Variants in C14orf132 observed in about 807,000 individuals in gnomAD.
C14orf132 encodes chromosome 14 open reading frame 132, also known as uncharacterized protein C14orf132.
Under a neutral mutation model 5.8 loss-of-function variants are expected in C14orf132, and 6 were observed. The observed-to-expected ratio is 1.03, with a 90% CI of 0.57 to 2.04. The LOEUF (loss-of-function observed/expected upper bound fraction) is 2.04, where lower values mean the gene tolerates loss of function less well. Ranked by LOEUF, C14orf132 falls within the 30% of genes most tolerant of loss-of-function variation. The pLI is 0.00. For synonymous variants in C14orf132, 51 were observed against 49.8 expected (o/e 1.02, Z -0.10); for missense variants, 125 against 115.8 (o/e 1.08, Z -0.37).
intron 1 of C14orf132, among the ~76,000 whole-genome samples, chr14:96,065,385 C>T (rs1225983123): frequency 6.6e-6 from 1 of 152,006 alleles, no homozygotes; most frequent in Admixed American, 6.5e-5. Flanking sequence ...GACAATTTTG[C>T]CATATAGAGG....
At chr14:96,062,075 C>G (rs990761217) in intron 1 of C14orf132, among the ~76,000 whole-genome samples, 1 of 152,100 alleles carries the variant, frequency 6.6e-6, no homozygotes. Context: ...GAGGATAAAC[C>G]CTCTATCCAG....
intron 1 of C14orf132, among the ~76,000 whole-genome samples, chr14:96,069,782 C>T (rs1042450772): frequency 2.6e-5 from 4 of 152,200 alleles, no homozygotes; most frequent in African/African-American, 9.7e-5. Flanking sequence ...TAAAGGACCT[C>T]AACATGTATT....
At chr14:96,073,605 C>T (rs568571319) in intron 1 of C14orf132, among the ~76,000 whole-genome samples, 2 of 152,278 alleles carry the variant, frequency 1.3e-5, no homozygotes, top group Admixed American at 6.5e-5. Flanking sequence ...TTAGCTCAAC[C>T]GTTTTGGAAG....
intron 1 of C14orf132, among the ~76,000 whole-genome samples, chr14:96,048,930 TG>T (rs1237742035): frequency 6.6e-6 from 1 of 152,246 alleles, no homozygotes; most frequent in African/African-American, 2.4e-5. Context: ...TCCAAGTTTT[TG>T]CTTTTCTTTT....
At chr14:96,053,926 G>A (rs1219141231) in intron 1 of C14orf132, among the ~76,000 whole-genome samples, 2 of 152,160 alleles carry the variant, frequency 1.3e-5, no homozygotes, top group Non-Finnish European at 2.9e-5. Flanking sequence ...TTACCCATCT[G>A]TCTGCCTCTC....
intron 1 of C14orf132, among the ~76,000 whole-genome samples, chr14:96,064,409 TATATATACAC>T (rs1302598697): frequency 1.4e-4 from 21 of 147,352 alleles, no homozygotes; most frequent in South Asian, 4.2e-4. Flanking sequence ...CATATATGTA[TATATATACAC>T]ATATATACAC....
At position 96,039,411 on chromosome 14, in the gene C14orf132, G is replaced by C. The variant is rs1644152653; in HGVS notation, c.-90G>C. 7.5e-7 allele frequency: 1 copy of C among 1,338,892 alleles called. No homozygotes were observed. Among genetic ancestry groups the C allele is most frequent in the South Asian group, 1.6e-5 (1 of 61,676 alleles). The allele number at this position is 1,338,892 out of a possible 1,614,324, so 82.9% of individuals were successfully genotyped here. ...GCCGTGCGGTCTCCGGACGCTCGCTGCTCAGCCCGATCCCCGCCAACTGTG... is the reference window on the plus strand; with the variant it reads ...GCCGTGCGGTCTCCGGACGCTCGCTCCTCAGCCCGATCCCCGCCAACTGTG... On this transcript the variant is annotated 5_prime_UTR_variant, in exon 1 of 2. Coordinates refer to ENST00000555004, the MANE Select transcript of C14orf132 (RefSeq NM_001252507.3). The surrounding 1 kb of genome is among the most constrained non-coding windows in gnomAD (Gnocchi z 5.3).
In C14orf132 at chr14:96,082,960, T is replaced by G. The variant is rs1406146817; in HGVS notation, c.28-3551T>G. 2.0e-5 allele frequency among the ~76,000 whole-genome samples: 3 copies of G among 152,206 alleles called. No individual in the cohort carries two copies. The East Asian group carries it at 5.8e-4, about 29-fold the overall frequency. ...TCCACCATATGTGGCAAAGCAGGAT[T>G]CAGCCCCAAGCCTTTCTGACACCAG... On this transcript the variant is annotated intron_variant, in intron 1 of 1. Transcript: ENST00000555004.
intron 1 of C14orf132, among the ~76,000 whole-genome samples, chr14:96,068,598 G>A (rs993452405): frequency 2.6e-5 from 4 of 152,136 alleles, no homozygotes; most frequent in African/African-American, 9.7e-5. Context: ...CCCTCAGGAT[G>A]AGCACACGGA....
At chr14:96,070,596 T>TCTCTCACACACACA (rs755530241) in intron 1 of C14orf132, among the ~76,000 whole-genome samples, 9 of 142,664 alleles carry the variant, frequency 6.3e-5, no homozygotes, top group East Asian at 4.2e-4. Flanking sequence ...TCTCTCTCTC[T>TCTCTCACACACACA]CACACACACA....
chr14:96,065,644 G>A lies in C14orf132; in HGVS notation c.28-20867G>A, dbSNP rs182159170. Among the ~76,000 whole-genome samples the A allele has an allele frequency of 9.6e-4, 144 of 149,820 alleles. 1 individual carries two copies. The highest frequency in any genetic ancestry group is 3.4e-3 in the Middle Eastern group (1 of 292). ...TTTTTCTTGGTACCTCTGGCTTCTA[G>A]CCTGACCCCCTCCACCCCCAGCATG... is the stretch of plus-strand genomic sequence containing the variant. On this transcript the variant is annotated intron_variant, in intron 1 of 1. Coordinates refer to ENST00000555004, the MANE Select transcript of C14orf132 (RefSeq NM_001252507.3).
intron 1 of C14orf132, among the ~76,000 whole-genome samples, chr14:96,062,626 C>T (rs560040892): frequency 3.3e-5 from 5 of 152,268 alleles, no homozygotes; most frequent in South Asian, 4.1e-4. Context: ...TCCCTGCTCA[C>T]GGCTGCTAAG....
At position 96,086,734 on chromosome 14, in the gene C14orf132, G is replaced by C. The variant is rs1221847015; in HGVS notation, c.251G>C (p.Ter84SerextTer15). The part of the protein sequence containing the change: ...VVGVVYAFTF[*>S] ...GGCGTGGTGTATGCCTTCACCTTCT[G>C]AGGACGGCACACCCTGCACCACCAT... Residue 84 changes from the stop codon to serine (S), a stop_lost, in exon 2 of 2, where the codon TGA (stop) becomes TCA (serine). Transcript: ENST00000555004. 1 of 1,535,984 alleles carries C rather than the reference G, an allele frequency of 6.5e-7. No individual in the cohort carries two copies. Among genetic ancestry groups the C allele is most frequent in the Non-Finnish European group, 8.7e-7 (1 of 1,146,814 alleles).
At chr14:96,061,229 A>C (rs1224889009) in intron 1 of C14orf132, among the ~76,000 whole-genome samples, 1 of 152,180 alleles carries the variant, frequency 6.6e-6, no homozygotes, top group Non-Finnish European at 1.5e-5. Context: ...TTTAGAGATA[A>C]GAACGATAAG....
At chr14:96,049,614 A>G (rs1354549759) in intron 1 of C14orf132, among the ~76,000 whole-genome samples, 1 of 111,926 alleles carries the variant, frequency 8.9e-6, no homozygotes, top group Non-Finnish European at 1.7e-5. Context: ...ATATATACAT[A>G]TATACGTATA....
chr14:96,065,187 TCTGTGCCTTCCTCTTCTGCTCATA>T (rs1887495050), intron 1 of C14orf132, among the ~76,000 whole-genome samples: 1 of 152,134 alleles, frequency 6.6e-6, no homozygotes, highest in Non-Finnish European at 1.5e-5. Flanking sequence ...GATGGCCACC[TCTGTGCCTTCCTCTTCTGCTCATA>T]CAGGTGCCCC....
At chr14:96,051,444 A>T (rs1009655000) in intron 1 of C14orf132, among the ~76,000 whole-genome samples, 1 of 152,222 alleles carries the variant, frequency 6.6e-6, no homozygotes, top group African/African-American at 2.4e-5. Flanking sequence ...AGGCCCACGC[A>T]GTTTGCCAGC....
chr14:96,057,048 T>C (rs770121363), intron 1 of C14orf132, among the ~76,000 whole-genome samples: 1 of 152,178 alleles, frequency 6.6e-6, no homozygotes, highest in African/African-American at 2.4e-5. Context: ...TTAATGGGGC[T>C]CACAGGCACA....
At chr14:96,058,131 C>T (rs1005828880) in intron 1 of C14orf132, among the ~76,000 whole-genome samples, 4 of 152,072 alleles carry the variant, frequency 2.6e-5, no homozygotes, top group Admixed American at 6.5e-5. Flanking sequence ...CTGGCTCCCA[C>T]GTGCTGTGTC....
Sources: allele counts gnomAD v4.1 joint callset (sites outside exome capture counted in the v4.1 genomes callset), GRCh38; gene constraint gnomAD v4.1.1; non-coding constraint Gnocchi (gnomAD v3.1); transcripts MANE v1.5; gene names NCBI Gene and HGNC (gene_info 2026-07-23, HGNC 2026-07-21).